SULT2B1: variants seen among roughly 807,000 people sequenced by gnomAD.
SULT2B1 encodes sulfotransferase 2B1.
SULT2B1 carries 16 observed loss-of-function variants against 33.2 expected under a neutral mutation model. That is an observed-to-expected ratio of 0.48 (90% CI 0.33 to 0.73). The LOEUF (loss-of-function observed/expected upper bound fraction) is 0.73, where lower values mean the gene tolerates loss of function less well. Ranked by LOEUF, SULT2B1 falls within the 30% of genes least tolerant of loss-of-function variation. SULT2B1 has a pLI of 0.02. For missense variants in SULT2B1, 500 were observed against 506.0 expected, an observed-to-expected ratio of 0.99 and a Z score of 0.11; for synonymous variants, 186 against 200.5, an observed-to-expected ratio of 0.93 and a Z score of 0.61.
At chr19:48,574,773 C>T (rs1973380484) in intron 1 of SULT2B1, among the ~76,000 whole-genome samples, 1 of 152,202 alleles carries the variant, frequency 6.6e-6, no homozygotes, top group African/African-American at 2.4e-5. Flanking sequence ...GGAAGCCCAG[C>T]CAAGGCCCAG....
At position 48,591,552 on chromosome 19, in the gene SULT2B1, G is replaced by C. The variant is rs1973642539; in HGVS notation, c.424-57G>C. ...GTCTCCAGGGCAGGAGGCCTCAGGGGCTGGGGTCTTGCCTGTGTCTGACGC... is the reference window on the plus strand; with the variant it reads ...GTCTCCAGGGCAGGAGGCCTCAGGGCCTGGGGTCTTGCCTGTGTCTGACGC... On this transcript the variant is annotated intron_variant, in intron 3 of 6. Coordinates refer to ENST00000201586, the MANE Select transcript of SULT2B1 (RefSeq NM_177973.2). 3.8e-6 allele frequency: 6 copies of C among 1,567,380 alleles called. No homozygotes were observed. The Admixed American group carries it at 1.1e-4, about 28-fold the overall frequency.
chr19:48,554,008 A>G (rs914539197), intron 1 of SULT2B1, among the ~76,000 whole-genome samples: 1 of 151,934 alleles, frequency 6.6e-6, no homozygotes, highest in East Asian at 1.9e-4. Flanking sequence ...CCAGCTGGTC[A>G]TAAAACGCCC....
In SULT2B1 at chr19:48,591,553, C is replaced by G. The variant is rs528483698; in HGVS notation, c.424-56C>G. 97 of 1,564,270 alleles carry G rather than the reference C, an allele frequency of 6.2e-5. No individual in the cohort carries two copies. The South Asian group carries it at 1.1e-3, about 18-fold the overall frequency. On this transcript the variant is annotated intron_variant, in intron 3 of 6. Transcript: ENST00000201586. ...TCTCCAGGGCAGGAGGCCTCAGGGG[C>G]TGGGGTCTTGCCTGTGTCTGACGCC...
At chr19:48,579,796 G>A (rs1201305998) in intron 2 of SULT2B1, among the ~76,000 whole-genome samples, 3 of 148,072 alleles carry the variant, frequency 2.0e-5, no homozygotes, top group Admixed American at 6.8e-5. Flanking sequence ...TAGTAGAGAC[G>A]GGGTTTCACC....
At chr19:48,557,691 C>T (rs911028668) in intron 1 of SULT2B1, among the ~76,000 whole-genome samples, 2 of 151,868 alleles carry the variant, frequency 1.3e-5, no homozygotes, top group African/African-American at 2.4e-5. Flanking sequence ...CCGAGGTGGG[C>T]GGATCACCTG....
intron 5 of SULT2B1, 200 bp from the exon 6 acceptor site, chr19:48,596,539 A>G (rs950862042): frequency 1.4e-5 from 8 of 566,742 alleles, no homozygotes; most frequent in Admixed American, 3.3e-5. Context: ...CACCTAGAGA[A>G]CCCTCCAAAG....
chr19:48,566,982 G>T (rs1031557134), intron 1 of SULT2B1, among the ~76,000 whole-genome samples: 2 of 152,006 alleles, frequency 1.3e-5, no homozygotes, highest in Admixed American at 1.3e-4. Flanking sequence ...CAACCTGGGC[G>T]ATAGAGCAAG....
intron 1 of SULT2B1, among the ~76,000 whole-genome samples, chr19:48,561,784 A>G (rs1233504324): frequency 6.6e-6 from 1 of 152,128 alleles, no homozygotes; most frequent in African/African-American, 2.4e-5. Context: ...TGTGGGTGAG[A>G]TGCTCTACAT....
intron 2 of SULT2B1, among the ~76,000 whole-genome samples, chr19:48,577,028 A>ATTTTTTTTTT (rs71179012): frequency 5.4e-5 from 5 of 92,954 alleles, no homozygotes; most frequent in Admixed American, 1.5e-4. Flanking sequence ...ACCCCCCTCT[A>ATTTTTTTTTT]TTTTTTTTTT....
intron 2 of SULT2B1, among the ~76,000 whole-genome samples, chr19:48,582,890 T>C (rs1433962169): frequency 6.8e-6 from 1 of 148,096 alleles, no homozygotes; most frequent in African/African-American, 2.6e-5. Context: ...CGGTGGCTCA[T>C]GCCTGTAATC....
chr19:48,592,708 C>G lies in SULT2B1; in HGVS notation c.551-14C>G, dbSNP rs1315986313. 5.1e-6 allele frequency: 8 copies of G among 1,578,424 alleles called. No homozygotes were observed. The highest frequency in any genetic ancestry group is 1.8e-5 in the Admixed American group (1 of 54,420). ...GCCACTCAGCCCTCACCCCACTTGT[C>G]CCTCTGCCCACAGTGCAGTTTGGCT... On this transcript the variant is annotated splice_polypyrimidine_tract_variant and intron_variant, in intron 4 of 6. Transcript: ENST00000201586.
At position 48,581,678 on chromosome 19, in the gene SULT2B1, C is replaced by G. The variant is rs536458685; in HGVS notation, c.215-5551C>G. Reference sequence around the variant, plus strand: ...TTCACCGTGTTAGCCAGGATGGTCTCGATCTCCTGACCTTGTGATCCACCC... The same window carrying G: ...TTCACCGTGTTAGCCAGGATGGTCTGGATCTCCTGACCTTGTGATCCACCC... On this transcript the variant is annotated intron_variant, in intron 2 of 6. Transcript: ENST00000201586. Among the ~76,000 whole-genome samples the G allele has an allele frequency of 5.1e-3, 756 of 148,170 alleles. 6 individuals carry two copies. The highest frequency in any genetic ancestry group is 7.6e-3 in the Non-Finnish European group (507 of 66,816).
At chr19:48,565,722 C>T (rs1032274289) in intron 1 of SULT2B1, among the ~76,000 whole-genome samples, 1 of 151,952 alleles carries the variant, frequency 6.6e-6, no homozygotes, top group East Asian at 1.9e-4. Context: ...AGTTTACCTA[C>T]AGTAAACCAC....
At chr19:48,556,043 T>G (rs1474407041) in intron 1 of SULT2B1, among the ~76,000 whole-genome samples, 1 of 152,154 alleles carries the variant, frequency 6.6e-6, no homozygotes, top group Non-Finnish European at 1.5e-5. Flanking sequence ...CCCGGCCTAA[T>G]TTTTGTATCT....
intron 5 of SULT2B1, among the ~76,000 whole-genome samples, chr19:48,593,606 TTTTA>T (rs1378778548): frequency 4.0e-5 from 6 of 151,638 alleles, no homozygotes; most frequent in African/African-American, 1.2e-4. Context: ...TTCAACCAGT[TTTTA>T]TTTATTTTTA....
chr19:48,575,281 GTTT>G (rs1347700765), intron 1 of SULT2B1, among the ~76,000 whole-genome samples: 1 of 149,462 alleles, frequency 6.7e-6, no homozygotes, highest in African/African-American at 2.5e-5. Context: ...GCTAATTTTT[GTTT>G]TTGTTTTTGA....
intron 3 of SULT2B1, among the ~76,000 whole-genome samples, chr19:48,590,654 G>C (rs894357660): frequency 9.9e-5 from 15 of 152,140 alleles, no homozygotes; most frequent in Admixed American, 7.2e-4. Context: ...ATACCTCTCA[G>C]GACCTAGGGG....
At chr19:48,577,860 A>T (rs1326688645) in intron 2 of SULT2B1, among the ~76,000 whole-genome samples, 1 of 152,226 alleles carries the variant, frequency 6.6e-6, no homozygotes, top group Non-Finnish European at 1.5e-5. Flanking sequence ...GGGGCAACCC[A>T]GAAAATAAAT....
At chr19:48,559,449 C>A (rs1379685036) in intron 1 of SULT2B1, among the ~76,000 whole-genome samples, 1 of 152,164 alleles carries the variant, frequency 6.6e-6, no homozygotes, top group Non-Finnish European at 1.5e-5. Flanking sequence ...TAGCTCACTG[C>A]AACCTCCGCC....
Sources: gnomAD v4.1 joint callset for allele counts (sites outside exome capture counted in the v4.1 genomes callset) on GRCh38, gnomAD v4.1.1 for gene constraint, MANE v1.5 for transcripts, NCBI Gene and HGNC (gene_info 2026-07-23, HGNC 2026-07-21) for gene names.